NEMP2: variants seen among roughly 807,000 people sequenced by gnomAD.
NEMP2 encodes the protein UPF0571 transmembrane protein.
A neutral mutation model predicts 54.2 loss-of-function variants in NEMP2; 53 were observed. The observed-to-expected ratio is 0.98, with a 90% CI of 0.78 to 1.23. NEMP2 has a LOEUF of 1.23. Among genes scored for constraint, NEMP2 ranks in the 50% most tolerant of loss-of-function variants. The pLI, the probability that NEMP2 is intolerant of heterozygous loss-of-function variation, is 0.00. For synonymous variants in NEMP2, 197 were observed against 190.3 expected (o/e 1.04, Z -0.29); for missense variants, 455 against 511.3 (o/e 0.89, Z 1.06).
chr2:190,546,069 C>G, the NEMP2 span, among the ~76,000 whole-genome samples: 42,521 of 152,002 alleles, frequency 0.28, 6,721 homozygotes, highest in East Asian at 0.46. The surrounding 1 kb of genome is among the most constrained non-coding windows in gnomAD (Gnocchi z 5.1). Flanking sequence ...TACACTGTTT[C>G]TATAACAAAA....
chr2:190,633,605 C>T, the NEMP2 span, among the ~76,000 whole-genome samples: 2 of 152,074 alleles, frequency 1.3e-5, no homozygotes, highest in Non-Finnish European at 2.9e-5. Flanking sequence ...TGAGCCACTG[C>T]GCCCAGCCCA....
At chr2:190,538,185 G>GTT (rs77070133), upstream of NEMP2, among the ~76,000 whole-genome samples, 7 of 151,154 alleles carry the variant, frequency 4.6e-5, no homozygotes, top group South Asian at 2.1e-4. This position sits in a 1 kb window ranked among gnomAD's most constrained non-coding sequence, Gnocchi z 4.1. Context: ...ATAAGATCCA[G>GTT]TTTTTTTTTA....
At chr2:190,558,511 T>C in the NEMP2 span, among the ~76,000 whole-genome samples, 2 of 152,240 alleles carry the variant, frequency 1.3e-5, no homozygotes, top group African/African-American at 4.8e-5. This position sits in a 1 kb window ranked among gnomAD's most constrained non-coding sequence, Gnocchi z 4.4. Context: ...TTTTGTAATA[T>C]ATCTGTGCTA....
chr2:190,446,964 A>C, the NEMP2 span, among the ~76,000 whole-genome samples: 1 of 152,212 alleles, frequency 6.6e-6, no homozygotes, highest in South Asian at 2.1e-4. Context: ...GGCCTGGGCC[A>C]GCTGCTGGGA....
the NEMP2 span, among the ~76,000 whole-genome samples, chr2:190,582,691 T>C: frequency 6.6e-6 from 1 of 152,218 alleles, no homozygotes; most frequent in Admixed American, 6.5e-5. This position sits in a 1 kb window ranked among gnomAD's most constrained non-coding sequence, Gnocchi z 4.6. Context: ...CATCAGACTC[T>C]GTACGAGCAA....
the NEMP2 span, among the ~76,000 whole-genome samples, chr2:190,563,600 T>C: frequency 6.6e-6 from 1 of 152,186 alleles, no homozygotes; most frequent in Non-Finnish European, 1.5e-5. The surrounding 1 kb of genome is among the most constrained non-coding windows in gnomAD (Gnocchi z 4.3). Flanking sequence ...TACCACAACG[T>C]ATATGTATAC....
chr2:190,593,513 T>G, the NEMP2 span, among the ~76,000 whole-genome samples: 1 of 152,214 alleles, frequency 6.6e-6, no homozygotes, highest in Admixed American at 6.5e-5. The surrounding 1 kb of genome is among the most constrained non-coding windows in gnomAD (Gnocchi z 4.5). Flanking sequence ...CTTGTGGTTG[T>G]GTCCCTCAGG....
At chr2:190,568,642 G>A in the NEMP2 span, among the ~76,000 whole-genome samples, 30 of 152,132 alleles carry the variant, frequency 2.0e-4, no homozygotes, top group Admixed American at 6.5e-5. The surrounding 1 kb of genome is among the most constrained non-coding windows in gnomAD (Gnocchi z 4.7). Flanking sequence ...GACCAACATG[G>A]AGAAACCCCG....
chr2:190,631,383 C>T, the NEMP2 span, among the ~76,000 whole-genome samples: 1 of 152,100 alleles, frequency 6.6e-6, no homozygotes, highest in Admixed American at 6.5e-5. Flanking sequence ...ACAGCAAAGC[C>T]CTTTTGGTCA....
the NEMP2 span, among the ~76,000 whole-genome samples, chr2:190,613,320 A>G: frequency 6.6e-6 from 1 of 152,164 alleles, no homozygotes; most frequent in Non-Finnish European, 1.5e-5. Context: ...TCTTCATTAA[A>G]CCAATATTAA....
the NEMP2 span, among the ~76,000 whole-genome samples, chr2:190,622,654 A>T: frequency 6.6e-6 from 1 of 152,188 alleles, no homozygotes; most frequent in African/African-American, 2.4e-5. Context: ...CAAAAATCGG[A>T]CATCATCACC....
At chr2:190,647,548 C>G in the NEMP2 span, among the ~76,000 whole-genome samples, 1 of 152,084 alleles carries the variant, frequency 6.6e-6, no homozygotes, top group Non-Finnish European at 1.5e-5. Context: ...TTCTACCTGT[C>G]TTTGCAGTAG....
the NEMP2 span, among the ~76,000 whole-genome samples, chr2:190,562,494 T>C: frequency 6.6e-6 from 1 of 152,212 alleles, no homozygotes; most frequent in Non-Finnish European, 1.5e-5. This position sits in a 1 kb window ranked among gnomAD's most constrained non-coding sequence, Gnocchi z 5.0. Flanking sequence ...GGCTGGCACC[T>C]TTGCATTCCA....
At chr2:190,632,231 G>T in the NEMP2 span, among the ~76,000 whole-genome samples, 18 of 152,170 alleles carry the variant, frequency 1.2e-4, no homozygotes, top group Non-Finnish European at 2.4e-4. This position sits in a 1 kb window ranked among gnomAD's most constrained non-coding sequence, Gnocchi z 4.8. Flanking sequence ...GTGGAAGTAT[G>T]GTCCTGCATG....
chr2:190,469,910 A>AG, the NEMP2 span: 1 of 1,312,022 alleles, frequency 7.6e-7, no homozygotes, highest in South Asian at 1.2e-5. The surrounding 1 kb of genome is among the most constrained non-coding windows in gnomAD (Gnocchi z 5.3). Flanking sequence ...AGCTGTGGCT[A>AG]AAAGCCCAGT....
the NEMP2 span, among the ~76,000 whole-genome samples, chr2:190,434,447 ATTTT>A: frequency 2.0e-5 from 3 of 151,966 alleles, no homozygotes; most frequent in Non-Finnish European, 4.4e-5. The surrounding 1 kb of genome is among the most constrained non-coding windows in gnomAD (Gnocchi z 4.3). Flanking sequence ...TTATTTATTT[ATTTT>A]TTTGAGACGG....
chr2:190,647,658 C>G, the NEMP2 span, among the ~76,000 whole-genome samples: 4 of 150,902 alleles, frequency 2.7e-5, no homozygotes, highest in African/African-American at 9.7e-5. Context: ...ATTTAAAAAA[C>G]AGACTTCCAA....
chr2:190,425,290 C>T, the NEMP2 span, among the ~76,000 whole-genome samples: 32 of 152,230 alleles, frequency 2.1e-4, no homozygotes, highest in East Asian at 3.7e-3. This position sits in a 1 kb window ranked among gnomAD's most constrained non-coding sequence, Gnocchi z 4.3. Flanking sequence ...CAAATAGGGA[C>T]AGTTTCTTTG....
At chr2:190,471,733 T>C in the NEMP2 span, among the ~76,000 whole-genome samples, 3 of 152,312 alleles carry the variant, frequency 2.0e-5, no homozygotes, top group East Asian at 5.8e-4. The surrounding 1 kb of genome is among the most constrained non-coding windows in gnomAD (Gnocchi z 4.7). Flanking sequence ...TCTGACAGCT[T>C]TGAAGACAGT....
Sources: allele counts gnomAD v4.1 joint callset (sites outside exome capture counted in the v4.1 genomes callset), GRCh38; gene constraint gnomAD v4.1.1; non-coding constraint Gnocchi (gnomAD v3.1); transcripts MANE v1.5; gene names NCBI Gene and HGNC (gene_info 2026-07-23, HGNC 2026-07-21).